KIRREL1: variants seen among roughly 807,000 people sequenced by gnomAD.
The protein encoded by KIRREL1 is kirre like nephrin family adhesion molecule 1, also known as kin of IRRE-like protein 1.
A neutral mutation model predicts 83.3 loss-of-function variants in KIRREL1; 25 were observed. That is an observed-to-expected ratio of 0.30 (90% CI 0.22 to 0.42). KIRREL1 has a LOEUF of 0.42. Among genes scored for constraint, KIRREL1 ranks in the 10% least tolerant of loss-of-function variants. The pLI is 1.00. For synonymous variants in KIRREL1, 388 were observed against 410.4 expected (o/e 0.95, Z 0.66); for missense variants, 812 against 1,032.3 (o/e 0.79, Z 2.92).
At chr1:158,011,524 C>T (rs1024324799) in intron 1 of KIRREL1, among the ~76,000 whole-genome samples, 1 of 152,170 alleles carries the variant, frequency 6.6e-6, no homozygotes, top group Non-Finnish European at 1.5e-5. Context: ...TCTCTCAAGG[C>T]TGCCCTGTGG....
At chr1:158,006,659 C>T (rs1363419798) in intron 1 of KIRREL1, among the ~76,000 whole-genome samples, 1 of 152,200 alleles carries the variant, frequency 6.6e-6, no homozygotes, top group African/African-American at 2.4e-5. Flanking sequence ...AGTCACTGTG[C>T]CCTTACCTGT....
intron 7 of KIRREL1, 69 bp downstream of exon 7, chr1:158,088,223 G>A: frequency 9.3e-6 from 15 of 1,608,230 alleles, no homozygotes; most frequent in Non-Finnish European, 1.3e-5. Context: ...GACAGAGTCG[G>A]GGACTGCTCC....
chr1:158,064,972 G>C (rs1297576577), intron 1 of KIRREL1, among the ~76,000 whole-genome samples: 1 of 149,730 alleles, frequency 6.7e-6, no homozygotes, highest in Non-Finnish European at 1.5e-5. Context: ...GTGGGAAAGA[G>C]GGGCAAGAGT....
At chr1:158,038,802 G>A (rs367643639) in intron 1 of KIRREL1, among the ~76,000 whole-genome samples, 1 of 152,286 alleles carries the variant, frequency 6.6e-6, no homozygotes, top group African/African-American at 2.4e-5. Context: ...TAGGGGCTTT[G>A]TTTTGTTCAC....
chr1:158,027,063 TC>T (rs1660193589), intron 1 of KIRREL1, among the ~76,000 whole-genome samples: 1 of 152,110 alleles, frequency 6.6e-6, no homozygotes, highest in Non-Finnish European at 1.5e-5. Context: ...GAGGGCTCAG[TC>T]CCACAAGACT....
Position 158,056,613 on chromosome 1 carries a change from C to A in KIRREL1, c.53-19500C>A, listed in dbSNP as rs558305038. Among the ~76,000 whole-genome samples the A allele has an allele frequency of 3.9e-5, 6 of 152,364 alleles. No homozygotes were observed. In the East Asian group the frequency reaches 1.2e-3, roughly 29 times the overall value. The stretch of plus-strand genomic sequence containing the variant: ...ACCACCTCTCCCTTGGCCCTGGTCA[C>A]GTGTCACTGCTGTCACATTTGGCTC... On this transcript the variant is annotated intron_variant, in intron 1 of 14. Transcript: ENST00000359209.
At chr1:158,056,379 C>T (rs769009094) in intron 1 of KIRREL1, among the ~76,000 whole-genome samples, 8 of 152,232 alleles carry the variant, frequency 5.3e-5, no homozygotes, top group Admixed American at 4.6e-4. Flanking sequence ...ATCTGCAATT[C>T]CTCCTCACAG....
At chr1:158,043,405 G>T (rs552978514) in intron 1 of KIRREL1, among the ~76,000 whole-genome samples, 3 of 151,994 alleles carry the variant, frequency 2.0e-5, no homozygotes, top group Admixed American at 6.6e-5. Flanking sequence ...CTCTTGGCCC[G>T]GCTGCACGCC....
intron 3 of KIRREL1, 130 bp from the exon 4 acceptor site, chr1:158,084,292 G>C (rs552910723): frequency 1.4e-5 from 11 of 775,274 alleles, no homozygotes; most frequent in Admixed American, 3.1e-5. Context: ...TGTAGATTAG[G>C]GGGTAGGGTG....
At chr1:158,001,637 A>G (rs917557293) in intron 1 of KIRREL1, among the ~76,000 whole-genome samples, 1 of 152,130 alleles carries the variant, frequency 6.6e-6, no homozygotes, top group Admixed American at 6.5e-5. Context: ...GGGCCCAAGG[A>G]TGGACAGGAC....
chr1:158,044,829 A>C (rs1056284695), intron 1 of KIRREL1, among the ~76,000 whole-genome samples: 6 of 152,194 alleles, frequency 3.9e-5, no homozygotes, highest in African/African-American at 1.4e-4. Flanking sequence ...ACCCTCATGG[A>C]CCTTATATGG....
At chr1:158,080,122 C>T (rs1262914850) in intron 3 of KIRREL1, among the ~76,000 whole-genome samples, 2 of 152,130 alleles carry the variant, frequency 1.3e-5, no homozygotes, top group South Asian at 2.1e-4. Context: ...CCATGCTCAA[C>T]CAAGTATTCC....
chr1:158,062,824 A>G (rs1470193698), intron 1 of KIRREL1, among the ~76,000 whole-genome samples: 1 of 152,198 alleles, frequency 6.6e-6, no homozygotes, highest in Non-Finnish European at 1.5e-5. Flanking sequence ...TGCAGCTTAG[A>G]TGTGCCACAG....
Position 158,055,491 on chromosome 1 carries a change from C to T in KIRREL1, c.53-20622C>T, listed in dbSNP as rs1359800613. ...CAGGTGAATTATGTATCAGTAGCCTCAGTTTCCCCAACCTCATGGGCAAGA... is the reference window on the plus strand; with the variant it reads ...CAGGTGAATTATGTATCAGTAGCCTTAGTTTCCCCAACCTCATGGGCAAGA... On this transcript the variant is annotated intron_variant, in intron 1 of 14. Coordinates refer to ENST00000359209, the MANE Select transcript of KIRREL1 (RefSeq NM_018240.7). 2.0e-5 allele frequency among the ~76,000 whole-genome samples: 3 copies of T among 152,296 alleles called. No homozygotes were observed. The East Asian group carries it at 5.8e-4, about 30-fold the overall frequency.
chr1:158,003,691 C>T (rs1412728349), intron 1 of KIRREL1, among the ~76,000 whole-genome samples: 1 of 152,156 alleles, frequency 6.6e-6, no homozygotes, highest in African/African-American at 2.4e-5. Context: ...TATCACACAG[C>T]ACACATCTGG....
At chr1:158,014,229 G>A (rs1461432878) in intron 1 of KIRREL1, among the ~76,000 whole-genome samples, 1 of 151,954 alleles carries the variant, frequency 6.6e-6, no homozygotes, top group African/African-American at 2.4e-5. Context: ...GAGGGAGGAG[G>A]GGGAGGGAAG....
intron 1 of KIRREL1, among the ~76,000 whole-genome samples, chr1:158,066,452 T>G (rs1327136290): frequency 6.6e-6 from 1 of 152,248 alleles, no homozygotes; most frequent in Non-Finnish European, 1.5e-5. Context: ...TTTTATCTCC[T>G]TTGCTCTCTA....
Position 158,096,601 on chromosome 1 carries a change from TG to T in KIRREL1, c.*1483del. On this transcript the variant is annotated 3_prime_UTR_variant, in exon 15 of 15. Transcript: ENST00000359209. ...AGAACTTGTGCTGACCGGGAGAAGG[TG>T]GTGCGGAAGGGCACCGCAGGCATTA... 2.2e-6 allele frequency: 1 copy of T among 456,876 alleles called. No homozygotes were observed. Among genetic ancestry groups the T allele is most frequent in the Non-Finnish European group, 4.4e-6 (1 of 227,010 alleles). The allele number at this position is 456,876 out of a possible 1,614,324, so 28.3% of individuals were successfully genotyped here.
In KIRREL1 at chr1:158,042,308, C is replaced by T. The variant is rs1660652190; in HGVS notation, c.53-33805C>T. Among the ~76,000 whole-genome samples, 2 of 151,710 alleles carry T rather than the reference C, an allele frequency of 1.3e-5. 1 individual carries two copies. The highest frequency in any genetic ancestry group is 1.3e-4 in the Admixed American group (2 of 15,230). On this transcript the variant is annotated intron_variant, in intron 1 of 14. Coordinates refer to ENST00000359209, the MANE Select transcript of KIRREL1 (RefSeq NM_018240.7). ...CAGGTGAACGTGCAGGTAAGGGGGG[C>T]CCGGCCTAGATGCTCCCGGCACCAG...
Sources: gnomAD v4.1 joint callset for allele counts (sites outside exome capture counted in the v4.1 genomes callset) on GRCh38, gnomAD v4.1.1 for gene constraint, MANE v1.5 for transcripts, NCBI Gene and HGNC (gene_info 2026-07-23, HGNC 2026-07-21) for gene names.